WWOX: variants seen among roughly 807,000 people sequenced by gnomAD.
WWOX encodes the protein WW domain containing oxidoreductase.
WWOX carries 69 observed loss-of-function variants against 46.2 expected under a neutral mutation model. The ratio of observed to expected loss-of-function variants is 1.49; its 90% confidence interval spans 1.23 to 1.82. The LOEUF (loss-of-function observed/expected upper bound fraction) is 1.82. Among genes scored for constraint, WWOX ranks in the 40% most tolerant of loss-of-function variants. The pLI is 0.00. For missense variants in WWOX, 919 were observed against 542.6 expected (o/e 1.69, Z -6.89); for synonymous variants, 359 against 202.6 (o/e 1.77, Z -6.56).
chr16:78,215,675 C>T (rs1398618397), intron 5 of WWOX, among the ~76,000 whole-genome samples: 1 of 152,100 alleles, frequency 6.6e-6, no homozygotes, highest in Non-Finnish European at 1.5e-5. Flanking sequence ...TGCCTGTAAT[C>T]CCAGCACTTT....
At chr16:78,713,951 G>A (rs1455718838) in intron 8 of WWOX, among the ~76,000 whole-genome samples, 1 of 152,096 alleles carries the variant, frequency 6.6e-6, no homozygotes, top group East Asian at 1.9e-4. Flanking sequence ...TGTAGTCCTG[G>A]CTCTGTCTCC....
chr16:78,630,350 A>C (rs1484790307), intron 8 of WWOX, among the ~76,000 whole-genome samples: 1 of 152,166 alleles, frequency 6.6e-6, no homozygotes, highest in African/African-American at 2.4e-5. Context: ...CCCAGATCAG[A>C]TAAAGATGGC....
intron 8 of WWOX, among the ~76,000 whole-genome samples, chr16:78,508,527 A>C (rs2085274842): frequency 6.6e-6 from 1 of 152,034 alleles, no homozygotes; most frequent in African/African-American, 2.4e-5. Flanking sequence ...TTGATGTCGG[A>C]GTGTTCTCTA....
intron 8 of WWOX, among the ~76,000 whole-genome samples, chr16:79,186,685 A>G (rs1351128757): frequency 6.6e-6 from 1 of 152,160 alleles, no homozygotes; most frequent in African/African-American, 2.4e-5. Flanking sequence ...AATACTAGTA[A>G]TCATCTCACT....
chr16:78,201,674 ATTATTTATTTATTTATTTATTTAT>A (rs149809338), intron 5 of WWOX, among the ~76,000 whole-genome samples: 3 of 146,368 alleles, frequency 2.0e-5, no homozygotes, highest in Admixed American at 6.9e-5. Flanking sequence ...CATTCCTTGG[ATTATTTATTTATTTATTTATTTAT>A]TTATTTATTT....
intron 8 of WWOX, among the ~76,000 whole-genome samples, chr16:79,128,735 C>T (rs1488325844): frequency 2.0e-5 from 3 of 152,172 alleles, no homozygotes; most frequent in African/African-American, 7.2e-5. Context: ...TTGAAAAGTG[C>T]ATTTGTAAGC....
chr16:78,970,793 C>G (rs1227672492), intron 8 of WWOX, among the ~76,000 whole-genome samples: 2 of 152,130 alleles, frequency 1.3e-5, no homozygotes. Context: ...CTAAACCCAG[C>G]TTTTGGCAAA....
intron 8 of WWOX, among the ~76,000 whole-genome samples, chr16:78,672,164 A>G (rs2047479965): frequency 1.3e-5 from 2 of 152,218 alleles, no homozygotes; most frequent in South Asian, 4.1e-4. Flanking sequence ...TTTAAATGTC[A>G]GATTTAATTA....
intron 8 of WWOX, among the ~76,000 whole-genome samples, chr16:79,052,749 C>G (rs1373824653): frequency 6.6e-6 from 1 of 152,166 alleles, no homozygotes. Context: ...GCGAGTGTAC[C>G]CTTTCTGCAG....
chr16:78,671,356 T>C (rs2047459171), intron 8 of WWOX, among the ~76,000 whole-genome samples: 1 of 152,096 alleles, frequency 6.6e-6, no homozygotes. Flanking sequence ...GCCTGGGAGG[T>C]GGAGGTTGCC....
intron 8 of WWOX, among the ~76,000 whole-genome samples, chr16:78,722,422 G>T (rs1040041224): frequency 2.0e-5 from 3 of 152,158 alleles, no homozygotes; most frequent in Non-Finnish European, 4.4e-5. Context: ...AAAAGTGACC[G>T]TATGAAATGA....
intron 1 of WWOX, among the ~76,000 whole-genome samples, chr16:78,104,360 T>TACACAC (rs35617570): frequency 6.5e-4 from 96 of 147,764 alleles, no homozygotes; most frequent in African/African-American, 2.3e-3. Flanking sequence ...TGCACGCACA[T>TACACAC]ACACACACAC....
chr16:78,120,293 G>A (rs1023049148), intron 4 of WWOX, among the ~76,000 whole-genome samples: 3 of 152,062 alleles, frequency 2.0e-5, no homozygotes, highest in Admixed American at 6.5e-5. Flanking sequence ...TATTTCAGCC[G>A]GGCGCGGTGG....
chr16:78,722,363 AT>A (rs537993050), intron 8 of WWOX, among the ~76,000 whole-genome samples: 127 of 152,316 alleles, frequency 8.3e-4, no homozygotes, highest in Non-Finnish European at 1.4e-3. Context: ...AGATCGCAGT[AT>A]CTAACTCATG....
intron 6 of WWOX, among the ~76,000 whole-genome samples, chr16:78,403,435 C>A (rs1002907987): frequency 6.6e-6 from 1 of 152,210 alleles, no homozygotes; most frequent in Non-Finnish European, 1.5e-5. Flanking sequence ...TGCAGAAGTT[C>A]ATAAATAATG....
At chr16:78,831,518 C>G (rs115513212) in intron 8 of WWOX, among the ~76,000 whole-genome samples, 2,370 of 152,258 alleles carry the variant, frequency 0.016, 54 homozygotes, top group African/African-American at 0.054. Context: ...GTGGGAGACC[C>G]CGGTGCCCAT....
chr16:78,846,344 C>T (rs904627023), intron 8 of WWOX, among the ~76,000 whole-genome samples: 3 of 152,136 alleles, frequency 2.0e-5, no homozygotes, highest in Admixed American at 6.5e-5. Context: ...GGTGTGTCCT[C>T]TTCCTTCTTT....
chr16:78,352,772 G>A (rs1403963050), intron 5 of WWOX, among the ~76,000 whole-genome samples: 1 of 146,690 alleles, frequency 6.8e-6, no homozygotes, highest in Non-Finnish European at 1.5e-5. Context: ...TAATGTATAT[G>A]CTTCTTAAAG....
At chr16:78,768,712 C>A (rs970123048) in intron 8 of WWOX, among the ~76,000 whole-genome samples, 1 of 151,932 alleles carries the variant, frequency 6.6e-6, no homozygotes, top group Non-Finnish European at 1.5e-5. Context: ...CTCTAATTGC[C>A]CAGCGTTTTA....
Sources: allele counts gnomAD v4.1 joint callset (sites outside exome capture counted in the v4.1 genomes callset), GRCh38; gene constraint gnomAD v4.1.1; transcripts MANE v1.5; gene names NCBI Gene and HGNC (gene_info 2026-07-23, HGNC 2026-07-21).